NEDD4: variants seen among roughly 807,000 people sequenced by gnomAD.
NEDD4 encodes E3 ubiquitin-protein ligase NEDD4.
Under a neutral mutation model 144.9 loss-of-function variants are expected in NEDD4, and 99 were observed. That is an observed-to-expected ratio of 0.68 (90% CI 0.58 to 0.81). The LOEUF is 0.81. Ranked by LOEUF, NEDD4 falls within the 30% of genes least tolerant of loss-of-function variation. The probability of loss-of-function intolerance (pLI) is 0.00; values close to 1 mark genes in which losing one functional copy is unlikely to be tolerated. For synonymous variants in NEDD4, 318 were observed against 350.6 expected (o/e 0.91, Z 1.04); for missense variants, 985 against 1,065.9 (o/e 0.92, Z 1.06).
At chr15:55,879,225 G>C (rs1325918869) in intron 5 of NEDD4, among the ~76,000 whole-genome samples, 4 of 152,222 alleles carry the variant, frequency 2.6e-5, no homozygotes, top group Non-Finnish European at 5.9e-5. Flanking sequence ...TGGAAGAGTA[G>C]ATGACAGCAG....
intron 5 of NEDD4, chr15:55,905,315 C>A (rs1284704976): frequency 4.4e-6 from 2 of 455,222 alleles, no homozygotes; most frequent in South Asian, 1.6e-5. Context: ...TTAGAAGTTT[C>A]TTCTCTGGAG....
chr15:55,881,143 C>CTTTTTTTTTT (rs67958165), intron 5 of NEDD4, among the ~76,000 whole-genome samples: 1 of 137,888 alleles, frequency 7.3e-6, no homozygotes, highest in Non-Finnish European at 1.6e-5. Context: ...CTTTTCTTTT[C>CTTTTTTTTTT]TTTTTTTTTT....
intron 5 of NEDD4, among the ~76,000 whole-genome samples, chr15:55,914,261 G>GT (rs1300492796): frequency 2.6e-5 from 4 of 151,148 alleles, no homozygotes; most frequent in African/African-American, 4.9e-5. Context: ...ACAGATTAAG[G>GT]TTTTTTCCCC....
chr15:55,949,838 T>C (rs2037205255), intron 4 of NEDD4, among the ~76,000 whole-genome samples: 1 of 151,878 alleles, frequency 6.6e-6, no homozygotes, highest in African/African-American at 2.4e-5. Flanking sequence ...TATTAGGAGA[T>C]ATACCTAATG....
At chr15:55,922,097 T>C (rs1183431418) in intron 5 of NEDD4, among the ~76,000 whole-genome samples, 1 of 152,222 alleles carries the variant, frequency 6.6e-6, no homozygotes, top group East Asian at 1.9e-4. Context: ...CTCTTAGAGA[T>C]AGACTCAGAC....
intron 4 of NEDD4, 79 bp from the exon 5 acceptor site, chr15:55,924,778 T>C: frequency 7.0e-7 from 1 of 1,436,204 alleles, no homozygotes; most frequent in Non-Finnish European, 9.6e-7. Flanking sequence ...TTAAAGATGC[T>C]GCCATTTGGT....
At chr15:55,894,294 T>TTTA (rs2035668990) in intron 5 of NEDD4, among the ~76,000 whole-genome samples, 1 of 152,202 alleles carries the variant, frequency 6.6e-6, no homozygotes, top group Admixed American at 6.5e-5. Flanking sequence ...GCACAAGTAT[T>TTTA]TACATAGTGT....
intron 18 of NEDD4, among the ~76,000 whole-genome samples, chr15:55,843,626 A>G (rs72732265): frequency 0.13 from 18,998 of 149,908 alleles, 1,413 homozygotes; most frequent in East Asian, 0.36. Context: ...AGCTCTAAGG[A>G]AAAAAAATCA....
chr15:55,879,318 G>A (rs1272347040), intron 5 of NEDD4, among the ~76,000 whole-genome samples: 1 of 152,140 alleles, frequency 6.6e-6, no homozygotes, highest in Non-Finnish European at 1.5e-5. Flanking sequence ...TTGGCTTCTA[G>A]AATACTGGCA....
At chr15:55,939,246 G>A (rs1361091855) in intron 4 of NEDD4, among the ~76,000 whole-genome samples, 5 of 152,122 alleles carry the variant, frequency 3.3e-5, no homozygotes, top group African/African-American at 1.2e-4. Flanking sequence ...TGGATCACGG[G>A]GGCAGTTTCC....
At chr15:55,905,164 C>G (rs1204371307) in intron 5 of NEDD4, 2 of 372,576 alleles carry the variant, frequency 5.4e-6, no homozygotes, top group Admixed American at 3.5e-5. Flanking sequence ...TTATCATCAG[C>G]ATGTTAAGAA....
intron 2 of NEDD4, among the ~76,000 whole-genome samples, chr15:55,964,558 C>T (rs1398250906): frequency 1.3e-5 from 2 of 151,608 alleles, no homozygotes; most frequent in African/African-American, 2.4e-5. Flanking sequence ...AAATGCCTTC[C>T]ATTTTCCTGG....
At chr15:55,978,251 C>T (rs2037737898) in intron 1 of NEDD4, among the ~76,000 whole-genome samples, 1 of 152,138 alleles carries the variant, frequency 6.6e-6, no homozygotes. Context: ...TAACTTTTAA[C>T]CTTTCTCCTT....
intron 12 of NEDD4, among the ~76,000 whole-genome samples, chr15:55,854,100 G>A (rs769927265): frequency 1.3e-5 from 2 of 151,992 alleles, no homozygotes; most frequent in East Asian, 3.9e-4. Flanking sequence ...GCAGTGAGCC[G>A]AGATCGCCTG....
chr15:55,856,286 G>A, intron 11 of NEDD4, 90 bp from the exon 12 acceptor site: 1 of 1,108,662 alleles, frequency 9.0e-7, no homozygotes, highest in South Asian at 1.3e-5. Flanking sequence ...AAATATGACA[G>A]GGCAGAAGAG....
intron 5 of NEDD4, among the ~76,000 whole-genome samples, chr15:55,904,016 G>C (rs1429717226): frequency 6.6e-6 from 1 of 151,826 alleles, no homozygotes; most frequent in Non-Finnish European, 1.5e-5. Flanking sequence ...AAAAAAATTA[G>C]TCAGATGTGG....
At chr15:55,831,605 C>A (rs1391024743) in intron 27 of NEDD4, among the ~76,000 whole-genome samples, 1 of 152,156 alleles carries the variant, frequency 6.6e-6, no homozygotes, top group Non-Finnish European at 1.5e-5. Context: ...TGGTTACTGG[C>A]AAAGCTAACC....
intron 5 of NEDD4, among the ~76,000 whole-genome samples, chr15:55,887,141 A>C (rs1373135505): frequency 6.6e-6 from 1 of 152,132 alleles, no homozygotes; most frequent in Non-Finnish European, 1.5e-5. Context: ...AAAAGAGATA[A>C]TAATGATCAG....
Position 55,846,966 on chromosome 15 carries a change from A to G in NEDD4, c.1608+3T>C, listed in dbSNP as rs765170414. On this transcript the variant is annotated splice_donor_region_variant and intron_variant, in intron 18 of 28. Transcript: ENST00000435532. ...TTAAGTATTTATTATAAACATGACTAACCTGCTTCTTCAACTTTCTTCGGA... is the reference window on the plus strand; with the variant it reads ...TTAAGTATTTATTATAAACATGACTGACCTGCTTCTTCAACTTTCTTCGGA... The G allele has an allele frequency of 3.8e-6, 6 of 1,578,870 alleles. No homozygotes were observed. In the South Asian group the frequency reaches 4.5e-5, roughly 12 times the overall value.
Sources: allele counts gnomAD v4.1 joint callset (sites outside exome capture counted in the v4.1 genomes callset), GRCh38; gene constraint gnomAD v4.1.1; transcripts MANE v1.5; gene names NCBI Gene and HGNC (gene_info 2026-07-23, HGNC 2026-07-21).